The following RALYL variants were observed in gnomAD, a reference collection of about 807,000 sequenced individuals.
RALYL encodes the protein RNA-binding Raly-like protein.
RALYL carries 29 observed loss-of-function variants against 35.1 expected under a neutral mutation model. The observed-to-expected ratio is 0.83, with a 90% confidence interval of 0.61 to 1.13. The LOEUF (loss-of-function observed/expected upper bound fraction) is 1.13, where lower values mean the gene tolerates loss of function less well. RALYL is among the 50% of genes most tolerant of loss of function. The pLI, the probability that RALYL is intolerant of heterozygous loss-of-function variation, is 0.00. For synonymous variants in RALYL, 120 were observed against 127.6 expected (o/e 0.94, Z 0.40); for missense variants, 359 against 360.4 (o/e 1.00, Z 0.03).
intron 3 of RALYL, among the ~76,000 whole-genome samples, chr8:84,786,080 A>G (rs1052512048): frequency 1.3e-5 from 2 of 152,088 alleles, no homozygotes; most frequent in African/African-American, 2.4e-5. Flanking sequence ...AACATGTGGT[A>G]TTTGGTTTTC....
intron 1 of RALYL, among the ~76,000 whole-genome samples, chr8:84,442,341 T>C (rs2048414653): frequency 6.6e-6 from 1 of 152,156 alleles, no homozygotes. Flanking sequence ...TGCAATTTGA[T>C]TCTAATTAAA....
At chr8:84,792,100 T>C (rs1240131406) in intron 3 of RALYL, among the ~76,000 whole-genome samples, 1 of 152,258 alleles carries the variant, frequency 6.6e-6, no homozygotes, top group Non-Finnish European at 1.5e-5. Flanking sequence ...CAAGTGGACA[T>C]GTGTTACAGT....
chr8:84,365,912 G>A (rs1563797177), intron 1 of RALYL, among the ~76,000 whole-genome samples: 2 of 152,174 alleles, frequency 1.3e-5, no homozygotes, highest in Non-Finnish European at 2.9e-5. Context: ...CCTGCTGCTG[G>A]TACTAGACCA....
intron 5 of RALYL, among the ~76,000 whole-genome samples, chr8:84,854,114 G>T (rs917744380): frequency 3.3e-5 from 5 of 152,126 alleles, no homozygotes; most frequent in African/African-American, 1.2e-4. Flanking sequence ...GGGAGGCCGA[G>T]GCAGACGGAT....
intron 4 of RALYL, among the ~76,000 whole-genome samples, chr8:84,812,833 T>C (rs1291287790): frequency 6.6e-6 from 1 of 152,188 alleles, no homozygotes; most frequent in Non-Finnish European, 1.5e-5. Flanking sequence ...TGCCCCAGGC[T>C]ACCTGTCTCC....
chr8:84,690,928 G>T (rs989520394), intron 2 of RALYL, among the ~76,000 whole-genome samples: 1 of 152,146 alleles, frequency 6.6e-6, no homozygotes, highest in Admixed American at 6.6e-5. Context: ...CAAAGTTATA[G>T]AAATGTAACT....
At chr8:84,435,245 G>C (rs1587232172) in intron 1 of RALYL, among the ~76,000 whole-genome samples, 1 of 152,106 alleles carries the variant, frequency 6.6e-6, no homozygotes, top group South Asian at 2.1e-4. Context: ...AGAATTCATA[G>C]CTATATGTAA....
intron 2 of RALYL, among the ~76,000 whole-genome samples, chr8:84,582,044 A>G (rs1308222321): frequency 6.6e-6 from 1 of 152,154 alleles, no homozygotes; most frequent in Non-Finnish European, 1.5e-5. Flanking sequence ...TCTATTGGAA[A>G]CATTTATAAT....
At chr8:84,261,552 C>T (rs1160362320) in intron 1 of RALYL, among the ~76,000 whole-genome samples, 3 of 152,128 alleles carry the variant, frequency 2.0e-5, no homozygotes, top group Non-Finnish European at 4.4e-5. Context: ...AACCGTGAGT[C>T]AATTAAACCT....
At chr8:84,403,841 A>G (rs1254263398) in intron 1 of RALYL, among the ~76,000 whole-genome samples, 5 of 151,232 alleles carry the variant, frequency 3.3e-5, no homozygotes, top group African/African-American at 1.2e-4. Flanking sequence ...CATTTGTGTC[A>G]TCTCTTATTT....
intron 1 of RALYL, among the ~76,000 whole-genome samples, chr8:84,414,193 C>A (rs937213465): frequency 2.6e-5 from 4 of 151,986 alleles, no homozygotes; most frequent in Non-Finnish European, 4.4e-5. Flanking sequence ...TCATGAAAAC[C>A]ATTTTCATAT....
chr8:84,666,796 C>T (rs1832153717), intron 2 of RALYL, among the ~76,000 whole-genome samples: 1 of 152,032 alleles, frequency 6.6e-6, no homozygotes, highest in Admixed American at 6.6e-5. Context: ...TGAATTATAA[C>T]ATTGGGATAA....
At chr8:84,400,121 G>T (rs570300420) in intron 1 of RALYL, among the ~76,000 whole-genome samples, 5 of 147,848 alleles carry the variant, frequency 3.4e-5, no homozygotes, top group Non-Finnish European at 7.5e-5. Flanking sequence ...GTCTCAAAAA[G>T]AAAAAAAAAA....
chr8:84,858,832 A>G (rs1483613967), intron 5 of RALYL, among the ~76,000 whole-genome samples: 1 of 152,112 alleles, frequency 6.6e-6, no homozygotes, highest in Non-Finnish European at 1.5e-5. Context: ...ATGTTTTTGT[A>G]CATTAGGACA....
At chr8:84,703,288 G>A (rs1266226147) in intron 2 of RALYL, among the ~76,000 whole-genome samples, 1 of 152,108 alleles carries the variant, frequency 6.6e-6, no homozygotes, top group Non-Finnish European at 1.5e-5. Context: ...TAAATGCACT[G>A]AGGCGAGAAA....
intron 4 of RALYL, among the ~76,000 whole-genome samples, chr8:84,826,297 A>G (rs1829697066): frequency 6.6e-6 from 1 of 151,204 alleles, no homozygotes; most frequent in South Asian, 2.1e-4. Flanking sequence ...AATCTGAAAA[A>G]AAAAAAAAAA....
intron 2 of RALYL, among the ~76,000 whole-genome samples, chr8:84,771,380 C>A (rs935711705): frequency 2.6e-5 from 4 of 152,018 alleles, no homozygotes; most frequent in African/African-American, 9.7e-5. Context: ...CTTGTATATA[C>A]CGTATGGTAC....
intron 2 of RALYL, among the ~76,000 whole-genome samples, chr8:84,732,058 T>G (rs1846278923): frequency 6.6e-6 from 1 of 152,202 alleles, no homozygotes; most frequent in Non-Finnish European, 1.5e-5. Context: ...TCCTTGATCC[T>G]GCAAACAGAG....
At chr8:84,913,019 GATGGATGGA>G (rs1847768839) in intron 8 of RALYL, among the ~76,000 whole-genome samples, 5 of 136,696 alleles carry the variant, frequency 3.7e-5, no homozygotes, top group Middle Eastern at 7.1e-3. Flanking sequence ...TGGATGGATG[GATGGATGGA>G]TGGATAGGTA....
Sources: allele counts gnomAD v4.1 joint callset (sites outside exome capture counted in the v4.1 genomes callset), GRCh38; gene constraint gnomAD v4.1.1; transcripts MANE v1.5; gene names NCBI Gene and HGNC (gene_info 2026-07-23, HGNC 2026-07-21).